Variants in CNTNAP4 observed in about 807,000 individuals in gnomAD.
CNTNAP4 encodes the protein contactin associated protein family member 4.
CNTNAP4 carries 98 observed loss-of-function variants against 148.4 expected under a neutral mutation model. The ratio of observed to expected loss-of-function variants is 0.66; its 90% CI spans 0.56 to 0.78. The LOEUF (loss-of-function observed/expected upper bound fraction) is 0.78. Ranked by LOEUF, CNTNAP4 falls within the 30% of genes least tolerant of loss-of-function variation. CNTNAP4 has a pLI of 0.00. For missense variants in CNTNAP4, 1,935 were observed against 1,565.6 expected (o/e 1.24, Z -3.98); for synonymous variants, 730 against 565.1 (o/e 1.29, Z -4.14).
intron 7 of CNTNAP4, among the ~76,000 whole-genome samples, 193 bp downstream of exon 7, chr16:76,450,051 ATTTTAT>A (rs2080402223): frequency 6.6e-6 from 1 of 152,024 alleles, no homozygotes. Context: ...GGGCATAATT[ATTTTAT>A]TTTTATATGA....
At chr16:76,471,310 A>G (rs546851822) in intron 10 of CNTNAP4, among the ~76,000 whole-genome samples, 1 of 152,288 alleles carries the variant, frequency 6.6e-6, no homozygotes, top group East Asian at 1.9e-4. Flanking sequence ...GGCTACTAAG[A>G]CAACAATTCT....
chr16:76,476,152 C>T (rs766073095), intron 11 of CNTNAP4, 107 bp downstream of exon 11: 2 of 698,532 alleles, frequency 2.9e-6, no homozygotes, highest in Non-Finnish European at 2.5e-6. Flanking sequence ...AACTCAGCAT[C>T]CAGTGGTTAA....
At chr16:76,433,183 C>T (rs930741274) in intron 4 of CNTNAP4, among the ~76,000 whole-genome samples, 19 of 151,942 alleles carry the variant, frequency 1.3e-4, no homozygotes, top group Middle Eastern at 3.2e-3. Flanking sequence ...CTAATAACAA[C>T]AATGAAGAAT....
chr16:76,531,369 G>A (rs1222131914), intron 17 of CNTNAP4, among the ~76,000 whole-genome samples: 2 of 152,118 alleles, frequency 1.3e-5, no homozygotes, highest in African/African-American at 2.4e-5. Context: ...GAAAGGGTTT[G>A]GTGCTGGGTC....
At chr16:76,352,686 T>G (rs2144472399) in intron 2 of CNTNAP4, among the ~76,000 whole-genome samples, 1 of 152,172 alleles carries the variant, frequency 6.6e-6, no homozygotes, top group South Asian at 2.1e-4. Flanking sequence ...AGTAATACAG[T>G]ATTAGAATAA....
intron 21 of CNTNAP4, among the ~76,000 whole-genome samples, chr16:76,548,223 C>T (rs1316488181): frequency 6.6e-6 from 1 of 151,574 alleles, no homozygotes; most frequent in South Asian, 2.1e-4. Flanking sequence ...GTGTTGAGTC[C>T]CTGGTGGAAT....
chr16:76,497,108 C>T (rs1468989251), intron 14 of CNTNAP4, among the ~76,000 whole-genome samples: 1 of 152,050 alleles, frequency 6.6e-6, no homozygotes, highest in East Asian at 1.9e-4. Flanking sequence ...AAGTGAAAAG[C>T]ACTGGAAATT....
intron 3 of CNTNAP4, among the ~76,000 whole-genome samples, chr16:76,370,485 A>C (rs1291851567): frequency 6.6e-6 from 1 of 152,154 alleles, no homozygotes; most frequent in East Asian, 1.9e-4. Context: ...GGCAGAGCAA[A>C]AGTGGGAAGA....
At position 76,538,101 on chromosome 16, in the gene CNTNAP4, T is replaced by C. The variant is rs1359084084; in HGVS notation, c.2996-15T>C. On this transcript the variant is annotated splice_polypyrimidine_tract_variant and intron_variant, in intron 18 of 23. Transcript: ENST00000611870. ...TTAAAATTTTTAACAAAAATATATA[T>C]ATATATTATTTCAGAGATTTCTGCA... is the stretch of plus-strand genomic sequence containing the variant. 8.6e-7 allele frequency: 1 copy of C among 1,166,644 alleles called. No individual in the cohort carries two copies. The highest frequency in any genetic ancestry group is 1.2e-6 in the Non-Finnish European group (1 of 867,538). The allele number at this position is 1,166,644 out of a possible 1,614,324, so 72.3% of individuals were successfully genotyped here.
chr16:76,454,116 T>C (rs1328359438), intron 8 of CNTNAP4, among the ~76,000 whole-genome samples: 3 of 150,956 alleles, frequency 2.0e-5, no homozygotes, highest in South Asian at 2.1e-4. Context: ...TCTTTCTTTT[T>C]TTTTTTTTTT....
intron 3 of CNTNAP4, among the ~76,000 whole-genome samples, chr16:76,367,074 T>C (rs866308832): frequency 1.3e-5 from 2 of 151,864 alleles, no homozygotes; most frequent in East Asian, 1.9e-4. Context: ...TTAAAACTTA[T>C]TGATACTGGC....
Position 76,532,183 on chromosome 16 carries a change from T to C in CNTNAP4, c.2756-3362T>C, listed in dbSNP as rs116177931. Among the ~76,000 whole-genome samples the C allele has an allele frequency of 4.7e-3, 716 of 152,300 alleles. 4 individuals are homozygous for C. The highest frequency in any genetic ancestry group is 0.017 in the African/African-American group (697 of 41,556). ...AAATAAAGCTTGGAGAGCTGAAGTGTTGTTCAATCCAAAGATGAGCTGATG... is the reference window on the plus strand; with the variant it reads ...AAATAAAGCTTGGAGAGCTGAAGTGCTGTTCAATCCAAAGATGAGCTGATG... On this transcript the variant is annotated intron_variant, in intron 17 of 23. Transcript: ENST00000611870.
intron 2 of CNTNAP4, among the ~76,000 whole-genome samples, chr16:76,330,433 T>C (rs1361182080): frequency 9.2e-5 from 14 of 152,212 alleles, no homozygotes; most frequent in African/African-American, 2.4e-4. Context: ...TAAAGCATCA[T>C]TGTGGCCTTG....
At chr16:76,401,858 A>G (rs771740009) in intron 3 of CNTNAP4, among the ~76,000 whole-genome samples, 2 of 152,194 alleles carry the variant, frequency 1.3e-5, no homozygotes, top group South Asian at 2.1e-4. Context: ...TGATTTGCAT[A>G]TGTTGAACCA....
At chr16:76,485,840 C>T (rs1334928655) in intron 12 of CNTNAP4, among the ~76,000 whole-genome samples, 2 of 152,210 alleles carry the variant, frequency 1.3e-5, no homozygotes, top group East Asian at 3.8e-4. Context: ...TATTCAAATG[C>T]AGTCTTATTT....
chr16:76,289,772 T>C (rs1211776548), intron 1 of CNTNAP4, among the ~76,000 whole-genome samples: 1 of 152,028 alleles, frequency 6.6e-6, no homozygotes, highest in Non-Finnish European at 1.5e-5. Flanking sequence ...GGTTTCACCA[T>C]GTTGGTCAAG....
intron 1 of CNTNAP4, among the ~76,000 whole-genome samples, chr16:76,297,235 A>C (rs1045288481): frequency 6.6e-6 from 1 of 152,220 alleles, no homozygotes; most frequent in African/African-American, 2.4e-5. Flanking sequence ...CATCATTTCT[A>C]AAACACTGTT....
At chr16:76,415,133 T>A (rs537125469) in intron 3 of CNTNAP4, among the ~76,000 whole-genome samples, 1 of 151,200 alleles carries the variant, frequency 6.6e-6, no homozygotes, top group Non-Finnish European at 1.5e-5. Flanking sequence ...TTCTTTCAGA[T>A]TTATAACACA....
chr16:76,376,761 G>C (rs1239649599), intron 3 of CNTNAP4, among the ~76,000 whole-genome samples: 1 of 152,184 alleles, frequency 6.6e-6, no homozygotes, highest in Non-Finnish European at 1.5e-5. Flanking sequence ...ACTAGGACAA[G>C]GACATATAGG....
Sources: allele counts gnomAD v4.1 joint callset (sites outside exome capture counted in the v4.1 genomes callset), GRCh38; gene constraint gnomAD v4.1.1; transcripts MANE v1.5; gene names NCBI Gene and HGNC (gene_info 2026-07-23, HGNC 2026-07-21).